The following STK4 variants were observed in gnomAD, a reference collection of about 807,000 sequenced individuals.
The protein encoded by STK4 is serine/threonine kinase 4, also known as serine/threonine-protein kinase 4.
A neutral mutation model predicts 64.9 loss-of-function variants in STK4; 30 were observed. That is an observed-to-expected ratio of 0.46 (90% CI 0.35 to 0.63). STK4 has a LOEUF of 0.63. STK4 is among the 20% of genes least tolerant of loss of function. The probability of loss-of-function intolerance (pLI) is 0.01; values close to 1 mark genes in which losing one functional copy is unlikely to be tolerated. For synonymous variants in STK4, 177 were observed against 199.0 expected (o/e 0.89, Z 0.93); for missense variants, 466 against 598.5 (o/e 0.78, Z 2.31).
chr20:45,018,744 A>G (rs1293551062), intron 9 of STK4, among the ~76,000 whole-genome samples: 1 of 127,388 alleles, frequency 7.9e-6, no homozygotes, highest in Non-Finnish European at 1.7e-5. Flanking sequence ...TTTTTTTTTA[A>G]TTTGGAGACA....
At chr20:44,996,416 T>A (rs2067731914) in intron 6 of STK4, among the ~76,000 whole-genome samples, 1 of 152,182 alleles carries the variant, frequency 6.6e-6, no homozygotes. Context: ...CTCTGACTAA[T>A]TAATTCTCCT....
In STK4 at chr20:45,077,470, C is replaced by A. The variant is rs577124365; in HGVS notation, c.*2294C>A. 1 of 152,924 alleles carries A rather than the reference C, an allele frequency of 6.5e-6. No individual in the cohort carries two copies. The highest frequency in any genetic ancestry group is 1.5e-5 in the Non-Finnish European group (1 of 68,476). The allele number at this position is 152,924 out of a possible 1,614,324, so 9.5% of individuals were successfully genotyped here. ...CCAGGCTGGAGTACAATGGCACGATCTTGGCTCACTGCAACCTCCGCCTCC... is the reference window on the plus strand; with the variant it reads ...CCAGGCTGGAGTACAATGGCACGATATTGGCTCACTGCAACCTCCGCCTCC... On this transcript the variant is annotated 3_prime_UTR_variant, in exon 11 of 11. Coordinates refer to ENST00000372806, the MANE Select transcript of STK4 (RefSeq NM_006282.5).
At chr20:45,046,914 T>C (rs1488559648) in intron 10 of STK4, among the ~76,000 whole-genome samples, 1 of 152,104 alleles carries the variant, frequency 6.6e-6, no homozygotes, top group Admixed American at 6.6e-5. Context: ...ACTCCTGACC[T>C]CGTGATCTGC....
intron 10 of STK4, among the ~76,000 whole-genome samples, chr20:45,031,313 G>A (rs2068438448): frequency 6.6e-6 from 1 of 152,160 alleles, no homozygotes; most frequent in African/African-American, 2.4e-5. Context: ...AGACTGTGAG[G>A]CAAGACATAG....
intron 10 of STK4, among the ~76,000 whole-genome samples, chr20:45,051,826 T>C (rs1254114131): frequency 6.6e-6 from 1 of 152,168 alleles, no homozygotes; most frequent in Non-Finnish European, 1.5e-5. Context: ...CATATAGTGG[T>C]TAAAACCACT....
intron 10 of STK4, among the ~76,000 whole-genome samples, chr20:45,050,463 G>A (rs1243715702): frequency 6.6e-6 from 1 of 152,094 alleles, no homozygotes; most frequent in African/African-American, 2.4e-5. Context: ...ATCTTTGCAT[G>A]GTACGCCCTT....
chr20:45,067,684 A>T (rs958346271), intron 10 of STK4, among the ~76,000 whole-genome samples: 1 of 152,220 alleles, frequency 6.6e-6, no homozygotes, highest in Non-Finnish European at 1.5e-5. Flanking sequence ...ATGAAGTATC[A>T]GCTGGAGCTT....
chr20:45,024,512 A>T (rs1052066972), intron 9 of STK4, among the ~76,000 whole-genome samples: 1 of 152,138 alleles, frequency 6.6e-6, no homozygotes, highest in Non-Finnish European at 1.5e-5. Flanking sequence ...CAGTTAGATT[A>T]TGAGATTATC....
chr20:45,010,605 A>G (rs1461640362), intron 9 of STK4, among the ~76,000 whole-genome samples: 2 of 152,220 alleles, frequency 1.3e-5, no homozygotes, highest in African/African-American at 4.8e-5. Flanking sequence ...TGATTATATA[A>G]TGAGTAATAG....
intron 1 of STK4, among the ~76,000 whole-genome samples, chr20:44,967,510 A>G (rs1282608090): frequency 3.3e-5 from 5 of 152,216 alleles, no homozygotes; most frequent in Non-Finnish European, 5.9e-5. Context: ...CCTTGTGGAC[A>G]TCCCGGGTCT....
intron 9 of STK4, among the ~76,000 whole-genome samples, chr20:45,014,405 G>A (rs776998621): frequency 2.0e-4 from 30 of 151,964 alleles, no homozygotes; most frequent in Non-Finnish European, 3.7e-4. Flanking sequence ...CAGCCTGGGT[G>A]ACAGAGCAAG....
At chr20:45,030,485 A>G (rs2068425108) in intron 10 of STK4, among the ~76,000 whole-genome samples, 1 of 152,184 alleles carries the variant, frequency 6.6e-6, no homozygotes, top group Non-Finnish European at 1.5e-5. Context: ...GTTTCCTCCT[A>G]TGAAGAGAAT....
chr20:45,077,083 G>A lies in STK4; in HGVS notation c.*1907G>A, dbSNP rs1045222902. On this transcript the variant is annotated 3_prime_UTR_variant, in exon 11 of 11. Transcript: ENST00000372806. ...TTAACTACTTTATCTCCATTTTGTAGTTGAAGAAATAAGTTCAGAGAGAAA... is the reference window on the plus strand; with the variant it reads ...TTAACTACTTTATCTCCATTTTGTAATTGAAGAAATAAGTTCAGAGAGAAA... 1 of 152,190 alleles carries A rather than the reference G, an allele frequency of 6.6e-6. No homozygotes were observed. The highest frequency in any genetic ancestry group is 6.5e-5 in the Admixed American group (1 of 15,282). 9.4% of individuals were successfully genotyped at this position (152,190 alleles called of 1,614,324 possible).
chr20:45,070,273 G>C (rs1449825431), intron 10 of STK4, among the ~76,000 whole-genome samples: 2 of 152,220 alleles, frequency 1.3e-5, no homozygotes, highest in Non-Finnish European at 2.9e-5. Flanking sequence ...CTAAGGGTGA[G>C]GTGATTGGAT....
chr20:45,052,002 C>G (rs1314191104), intron 10 of STK4, among the ~76,000 whole-genome samples: 3 of 152,124 alleles, frequency 2.0e-5, no homozygotes, highest in Admixed American at 2.0e-4. Flanking sequence ...TCCAAAAATC[C>G]AAAATCCAAA....
intron 9 of STK4, among the ~76,000 whole-genome samples, chr20:45,002,139 A>G (rs561102986): frequency 5.9e-5 from 9 of 152,122 alleles, no homozygotes; most frequent in Non-Finnish European, 8.8e-5. Context: ...ACTGACCTCT[A>G]GTTATTTTCA....
At chr20:45,030,306 A>G (rs190898691) in intron 10 of STK4, among the ~76,000 whole-genome samples, 100 of 152,240 alleles carry the variant, frequency 6.6e-4, no homozygotes, top group African/African-American at 2.3e-3. Flanking sequence ...GGGTTTCACC[A>G]TCTTGGCCAG....
At chr20:44,998,848 A>G (rs1601234325) in intron 7 of STK4, among the ~76,000 whole-genome samples, 1 of 152,150 alleles carries the variant, frequency 6.6e-6, no homozygotes. Flanking sequence ...AGGCAGGCGG[A>G]TCACTTGAGG....
chr20:44,971,732 G>A (rs1017333342), intron 1 of STK4, among the ~76,000 whole-genome samples: 3 of 142,296 alleles, frequency 2.1e-5, no homozygotes, highest in Non-Finnish European at 4.5e-5. Flanking sequence ...GCGTAGTGGC[G>A]CAATTTCGGT....
Sources: gnomAD v4.1 joint callset for allele counts (sites outside exome capture counted in the v4.1 genomes callset) on GRCh38, gnomAD v4.1.1 for gene constraint, MANE v1.5 for transcripts, NCBI Gene and HGNC (gene_info 2026-07-23, HGNC 2026-07-21) for gene names.